CHID1: variants seen among roughly 807,000 people sequenced by gnomAD.
CHID1 encodes chitinase domain containing 1, also known as chitinase domain-containing protein 1.
CHID1 carries 44 observed loss-of-function variants against 55.4 expected under a neutral mutation model. The ratio of observed to expected loss-of-function variants is 0.79; its 90% CI spans 0.62 to 1.02. CHID1 has a LOEUF of 1.02. Ranked by LOEUF, CHID1 falls within the 50% of genes least tolerant of loss-of-function variation. The pLI, the probability that CHID1 is intolerant of heterozygous loss-of-function variation, is 0.00. For missense variants in CHID1, 491 were observed against 515.3 expected (o/e 0.95, Z 0.46); for synonymous variants, 216 against 212.9 (o/e 1.01, Z -0.13).
chr11:903,928 T>G lies in CHID1; in HGVS notation c.111+778A>C, dbSNP rs145822862. Reference sequence around the variant, plus strand: ...ACGACCCTACTGGCCAACCACTGCCTGCCACCACCCCCACCAATGCAACCC... The same window carrying G: ...ACGACCCTACTGGCCAACCACTGCCGGCCACCACCCCCACCAATGCAACCC... On this transcript the variant is annotated intron_variant, in intron 2 of 12. Transcript: ENST00000323578. 1,445 of 194,318 alleles carry G rather than the reference T, an allele frequency of 7.4e-3. 26 individuals are homozygous for G. The highest frequency in any genetic ancestry group is 0.034 in the African/African-American group (1,361 of 39,750). The allele number at this position is 194,318 out of a possible 1,614,324, so 12.0% of individuals were successfully genotyped here.
At position 868,611 on chromosome 11, in the gene CHID1, G is replaced by T. The variant is rs1224740844; in HGVS notation, c.*1247C>A. ...CGCAGGCCTCCCTGACGTCCAGGCG[G>T]AGGCTTTCTCAAGTGTGGGTGCCTT... is the stretch of plus-strand genomic sequence containing the variant. On this transcript the variant is annotated 3_prime_UTR_variant, in exon 13 of 13. Transcript: ENST00000323578. 2 of 152,132 alleles carry T rather than the reference G, an allele frequency of 1.3e-5. No homozygotes were observed. Among genetic ancestry groups the T allele is most frequent in the Non-Finnish European group, 2.9e-5 (2 of 68,052 alleles). 9.4% of individuals were successfully genotyped at this position (152,132 alleles called of 1,614,324 possible). A position where few individuals can be genotyped will look rare whatever the true frequency, so the allele number is the denominator to read the frequency against.
intron 10 of CHID1, among the ~76,000 whole-genome samples, chr11:873,590 A>G (rs143393853): frequency 1.8e-4 from 28 of 152,226 alleles, no homozygotes; most frequent in Non-Finnish European, 3.1e-4. Context: ...GGACAAGCAC[A>G]TGGACGGGGA....
At chr11:904,924 T>G in intron 1 of CHID1, 65 bp from the exon 2 acceptor site, 12 of 1,546,022 alleles carry the variant, frequency 7.8e-6, no homozygotes, top group Non-Finnish European at 1.1e-5. Flanking sequence ...GCAACCCCTC[T>G]GCTGATGGGG....
intron 10 of CHID1, among the ~76,000 whole-genome samples, chr11:882,731 A>G (rs28360966): frequency 0.99 from 151,115 of 152,342 alleles, 74,962 homozygotes; most frequent in Middle Eastern, 1. Context: ...CTCCAGAAAT[A>G]AAGTAAAGTA....
intron 6 of CHID1, among the ~76,000 whole-genome samples, chr11:899,655 C>G (rs1183531261): frequency 6.6e-6 from 1 of 152,222 alleles, no homozygotes. Context: ...AACCCCACCC[C>G]GGGGGTCTGG....
rs1848967872 is a variant in CHID1, at chr11:867,998, C to A, written c.*1860G>T. The stretch of plus-strand genomic sequence containing the variant: ...TGATCCCCAAACTGCACCCCACAAT[C>A]TCATTTCCAGCTAATTCCTGCCCCA... On this transcript the variant is annotated 3_prime_UTR_variant, in exon 13 of 13. Transcript: ENST00000323578. The A allele has an allele frequency of 6.6e-6, 1 of 152,158 alleles. No homozygotes were observed. The highest frequency in any genetic ancestry group is 1.5e-5 in the Non-Finnish European group (1 of 68,052). 9.4% of individuals were successfully genotyped at this position (152,158 alleles called of 1,614,324 possible).
chr11:903,253 T>C, intron 2 of CHID1, 142 bp from the exon 3 acceptor site: 2 of 819,044 alleles, frequency 2.4e-6, no homozygotes, highest in Non-Finnish European at 3.8e-6. Context: ...AGACCCTGTA[T>C]GTTGAGGATC....
intron 10 of CHID1, among the ~76,000 whole-genome samples, chr11:873,721 G>A (rs1849322732): frequency 6.6e-6 from 1 of 152,158 alleles, no homozygotes; most frequent in African/African-American, 2.4e-5. Context: ...GGAGAAAGAG[G>A]GCACAGCTGC....
At chr11:899,311 G>A in intron 7 of CHID1, 29 bp downstream of exon 7, 1 of 1,580,472 alleles carries the variant, frequency 6.3e-7, no homozygotes, top group Non-Finnish European at 8.6e-7. Flanking sequence ...CAGGAGGAGG[G>A]CCACCCACCA....
chr11:870,332 C>G, intron 11 of CHID1, 87 bp downstream of exon 11: 1 of 1,349,432 alleles, frequency 7.4e-7, no homozygotes, highest in Non-Finnish European at 1.0e-6. Context: ...CTGAGACCCC[C>G]TGGGCCCTGC....
intron 10 of CHID1, among the ~76,000 whole-genome samples, chr11:882,166 G>A (rs888577324): frequency 2.6e-5 from 4 of 151,926 alleles, no homozygotes; most frequent in East Asian, 1.9e-4. Flanking sequence ...CTCTACTAAA[G>A]ATACAAAAAT....
chr11:895,547 G>A (rs1381041874), intron 7 of CHID1, among the ~76,000 whole-genome samples: 5 of 152,160 alleles, frequency 3.3e-5, no homozygotes, highest in Admixed American at 2.0e-4. Flanking sequence ...GGCTCCGAGC[G>A]CCCCTAACAC....
intron 7 of CHID1, 134 bp from the exon 8 acceptor site, chr11:893,653 C>T: frequency 1.6e-6 from 1 of 642,634 alleles, no homozygotes; most frequent in East Asian, 2.9e-5. Flanking sequence ...AGGTGGGCCC[C>T]TTCGTGGGAA....
intron 10 of CHID1, among the ~76,000 whole-genome samples, chr11:873,976 C>G (rs1277793928): frequency 6.6e-6 from 1 of 151,404 alleles, no homozygotes; most frequent in Non-Finnish European, 1.5e-5. Flanking sequence ...CGACGCGTTT[C>G]TAGGGAGAAA....
At chr11:908,411 C>G (rs1199172258) in intron 1 of CHID1, 3 of 187,064 alleles carry the variant, frequency 1.6e-5, no homozygotes, top group African/African-American at 7.1e-5. Flanking sequence ...GGGCAGCAGC[C>G]TGCTGCCACC....
rs373580771 is a variant in CHID1, at chr11:875,504, G to A, written c.960-5005C>T. 2.6e-5 allele frequency among the ~76,000 whole-genome samples: 4 copies of A among 152,322 alleles called. No individual in the cohort carries two copies. The highest frequency in any genetic ancestry group is 1.9e-4 in the East Asian group (1 of 5,172). ...ACAAGCTGTAGACACTGAGGGCCCC[G>A]GGTGTGGAGAAGACCTGGCTCCTCG... On this transcript the variant is annotated intron_variant, in intron 10 of 12. Coordinates refer to ENST00000323578, the MANE Select transcript of CHID1 (RefSeq NM_023947.4). The surrounding 1 kb of genome is among the most constrained non-coding windows in gnomAD (Gnocchi z 4.7).
At chr11:902,654 C>T (rs1851904033) in intron 3 of CHID1, among the ~76,000 whole-genome samples, 1 of 129,998 alleles carries the variant, frequency 7.7e-6, no homozygotes, top group Admixed American at 8.3e-5. Context: ...TGAGAACCCA[C>T]CCCTCCCTGG....
intron 8 of CHID1, among the ~76,000 whole-genome samples, chr11:888,697 C>T (rs988012678): frequency 8.5e-5 from 13 of 152,342 alleles, no homozygotes; most frequent in African/African-American, 1.4e-4. Context: ...ACCCTCCCAT[C>T]GCCATGTCGT....
Position 893,324 on chromosome 11 carries a change from G to A in CHID1, c.701+103C>T, listed in dbSNP as rs1243379687. 4.5e-6 allele frequency: 4 copies of A among 880,956 alleles called. No individual in the cohort carries two copies. In the African/African-American group the frequency reaches 6.7e-5, roughly 15 times the overall value. 54.6% of individuals were successfully genotyped at this position (880,956 alleles called of 1,614,324 possible). A position where few individuals can be genotyped will look rare whatever the true frequency, so the allele number is the denominator to read the frequency against. On this transcript the variant is annotated intron_variant, in intron 8 of 12. Coordinates refer to ENST00000323578, the MANE Select transcript of CHID1 (RefSeq NM_023947.4). ...TATACAGACGGGATGAGGTTTGGGT[G>A]CTGAGCAGGAGGGCCTGGGCCCTTT...
Sources: allele counts gnomAD v4.1 joint callset (sites outside exome capture counted in the v4.1 genomes callset), GRCh38; gene constraint gnomAD v4.1.1; non-coding constraint Gnocchi (gnomAD v3.1); transcripts MANE v1.5; gene names NCBI Gene and HGNC (gene_info 2026-07-23, HGNC 2026-07-21).